Variants in ENOX1 observed in about 807,000 individuals in gnomAD.
The protein encoded by ENOX1 is ecto-NOX disulfide-thiol exchanger 1.
Under a neutral mutation model 82.5 loss-of-function variants are expected in ENOX1, and 42 were observed. That is an observed-to-expected ratio of 0.51 (90% confidence interval 0.40 to 0.66). The LOEUF is 0.66. Among genes scored for constraint, ENOX1 ranks in the 30% least tolerant of loss-of-function variants. The probability of loss-of-function intolerance (pLI) is 0.00; values close to 1 mark genes in which losing one functional copy is unlikely to be tolerated. For missense variants in ENOX1, 608 were observed against 811.6 expected, an observed-to-expected ratio of 0.75 and a Z score of 3.05; for synonymous variants, 271 against 282.2, an observed-to-expected ratio of 0.96 and a Z score of 0.40.
At chr13:43,382,239 TA>T (rs2052097804) in intron 5 of ENOX1, among the ~76,000 whole-genome samples, 1 of 151,956 alleles carries the variant, frequency 6.6e-6, no homozygotes. Context: ...AGTAGTAGAC[TA>T]AAAAAGAGAA....
At chr13:43,726,898 C>T (rs572736893) in intron 1 of ENOX1, among the ~76,000 whole-genome samples, 180 of 152,206 alleles carry the variant, frequency 1.2e-3, no homozygotes, top group Middle Eastern at 3.4e-3. Context: ...CACGTCCCCA[C>T]ACCTGGCTAA....
chr13:43,312,490 A>G (rs1199292195), intron 11 of ENOX1, among the ~76,000 whole-genome samples: 2 of 152,196 alleles, frequency 1.3e-5, no homozygotes, highest in African/African-American at 4.8e-5. Context: ...ATTTCAGATC[A>G]ACCATCAAGC....
chr13:43,667,743 A>C (rs1048606248), intron 1 of ENOX1, among the ~76,000 whole-genome samples, 199 bp from the exon 2 acceptor site: 1 of 152,184 alleles, frequency 6.6e-6, no homozygotes, highest in Admixed American at 6.6e-5. Context: ...ACAATCAATA[A>C]ATGTGAAGGT....
At chr13:43,701,623 T>C (rs1441966047) in intron 1 of ENOX1, among the ~76,000 whole-genome samples, 1 of 152,162 alleles carries the variant, frequency 6.6e-6, no homozygotes, top group Non-Finnish European at 1.5e-5. Flanking sequence ...AAAATGCAAA[T>C]ACATATCTTT....
chr13:43,443,321 C>G (rs1268534805), intron 3 of ENOX1, among the ~76,000 whole-genome samples: 1 of 152,172 alleles, frequency 6.6e-6, no homozygotes, highest in Non-Finnish European at 1.5e-5. Flanking sequence ...AACATGTTCA[C>G]ATTAAAAATA....
At chr13:43,688,488 C>G (rs2086189007) in intron 1 of ENOX1, among the ~76,000 whole-genome samples, 1 of 152,152 alleles carries the variant, frequency 6.6e-6, no homozygotes, top group South Asian at 2.1e-4. Flanking sequence ...CCTTTGCCAG[C>G]CATATGGTTC....
intron 12 of ENOX1, among the ~76,000 whole-genome samples, chr13:43,276,325 T>G (rs1359317802): frequency 1.3e-5 from 2 of 152,174 alleles, no homozygotes; most frequent in Non-Finnish European, 2.9e-5. Context: ...TCTGTAACCC[T>G]GTTGCCAACC....
intron 2 of ENOX1, among the ~76,000 whole-genome samples, chr13:43,644,437 G>A (rs949233976): frequency 2.0e-5 from 3 of 152,130 alleles, no homozygotes; most frequent in Admixed American, 1.3e-4. Flanking sequence ...ATATCCATGG[G>A]ATGATTTTTA....
intron 12 of ENOX1, among the ~76,000 whole-genome samples, chr13:43,288,248 T>G (rs2045812813): frequency 6.6e-6 from 1 of 152,228 alleles, no homozygotes; most frequent in Non-Finnish European, 1.5e-5. Context: ...CCGTGTAATC[T>G]GAGAGATGTA....
rs1401192289 is a variant in ENOX1 at position 43,326,421 on chromosome 13, C to T, written c.1141G>A (p.Glu381Lys). The change falls in exon 10 of 17, where the codon GAG (glutamate) becomes AAG (lysine). Residue 381 changes from glutamate (E) to lysine (K), a missense_variant and splice_region_variant. Coordinates refer to ENST00000690772, the MANE Select transcript of ENOX1 (RefSeq NM_001347969.2). ...AAAGTAATAATAAAATCACCAACCT[C>T]AGAATGCTTTCGCCAAATGTCTATG... Reference protein sequence around the residue: ...KNIDIWRKHSEELRNAQSEQL... With the variant: ...KNIDIWRKHSKELRNAQSEQL... 6.2e-7 allele frequency: 1 copy of T among 1,613,698 alleles called. No individual in the cohort carries two copies. The highest frequency in any genetic ancestry group is 8.5e-7 in the Non-Finnish European group (1 of 1,179,610).
At chr13:43,679,020 A>T (rs1404266451) in intron 1 of ENOX1, among the ~76,000 whole-genome samples, 1 of 152,268 alleles carries the variant, frequency 6.6e-6, no homozygotes, top group African/African-American at 2.4e-5. Context: ...TTAGAAAAAA[A>T]ATTTCCAGGG....
chr13:43,578,956 A>T (rs2080570610), intron 2 of ENOX1, among the ~76,000 whole-genome samples: 1 of 152,152 alleles, frequency 6.6e-6, no homozygotes, highest in Non-Finnish European at 1.5e-5. Context: ...TTAATTAAGC[A>T]AGTGGGACCA....
chr13:43,508,650 G>C (rs2077261395), intron 2 of ENOX1, among the ~76,000 whole-genome samples: 2 of 151,876 alleles, frequency 1.3e-5, no homozygotes, highest in South Asian at 2.1e-4. Flanking sequence ...TTTAGCAATG[G>C]GGAGCTGCTA....
intron 1 of ENOX1, among the ~76,000 whole-genome samples, chr13:43,751,718 AT>A (rs1454877158): frequency 2.0e-5 from 3 of 152,190 alleles, no homozygotes; most frequent in African/African-American, 7.2e-5. Flanking sequence ...AGTTCGTTAC[AT>A]TTTACTGCTG....
intron 1 of ENOX1, among the ~76,000 whole-genome samples, chr13:43,743,001 T>C (rs1420474851): frequency 1.3e-5 from 2 of 152,184 alleles, no homozygotes; most frequent in Non-Finnish European, 2.9e-5. Flanking sequence ...ACTGAGTCCA[T>C]AGGGCACATA....
At chr13:43,288,005 C>A (rs888672509) in intron 12 of ENOX1, among the ~76,000 whole-genome samples, 1 of 152,140 alleles carries the variant, frequency 6.6e-6, no homozygotes, top group Admixed American at 6.6e-5. Context: ...GCACACACTG[C>A]CAGCAGGAAC....
intron 2 of ENOX1, among the ~76,000 whole-genome samples, chr13:43,582,220 T>G (rs983184818): frequency 6.6e-6 from 1 of 151,950 alleles, no homozygotes; most frequent in Non-Finnish European, 1.5e-5. Flanking sequence ...AAGAAAAAAA[T>G]TAATAACATG....
intron 1 of ENOX1, among the ~76,000 whole-genome samples, chr13:43,756,626 A>C (rs1950656230): frequency 6.6e-6 from 1 of 152,000 alleles, no homozygotes; most frequent in African/African-American, 2.4e-5. Context: ...GTCTCATTGG[A>C]CTGGGAGCTC....
intron 2 of ENOX1, among the ~76,000 whole-genome samples, chr13:43,610,612 G>C (rs1182791359): frequency 6.6e-6 from 1 of 152,102 alleles, no homozygotes; most frequent in Non-Finnish European, 1.5e-5. Flanking sequence ...ACAATTTTGT[G>C]GTTTCTCATT....
Sources: gnomAD v4.1 joint callset for allele counts (sites outside exome capture counted in the v4.1 genomes callset) on GRCh38, gnomAD v4.1.1 for gene constraint, MANE v1.5 for transcripts, NCBI Gene and HGNC (gene_info 2026-07-23, HGNC 2026-07-21) for gene names.